Variants in CTNNA2 observed in about 807,000 individuals in gnomAD.
The protein encoded by CTNNA2 is catenin alpha 2, also known as catenin alpha-2.
In CTNNA2, 42 loss-of-function variants were observed where a neutral mutation model predicts 101.0. The observed-to-expected ratio is 0.42, with a 90% CI of 0.32 to 0.54. CTNNA2 has a LOEUF of 0.54. Ranked by LOEUF, CTNNA2 falls within the 20% of genes least tolerant of loss-of-function variation. CTNNA2 has a pLI of 0.14. For missense variants in CTNNA2, 871 were observed against 1,223.1 expected (o/e 0.71, Z 4.29); for synonymous variants, 450 against 456.4 (o/e 0.99, Z 0.18).
At chr2:79,903,308 T>G (rs1685199871) in intron 6 of CTNNA2, among the ~76,000 whole-genome samples, 1 of 152,038 alleles carries the variant, frequency 6.6e-6, no homozygotes, top group Admixed American at 6.6e-5. Context: ...CACCTCTCTT[T>G]TGGGCTCTGA....
intron 9 of CTNNA2, among the ~76,000 whole-genome samples, chr2:80,522,140 C>A (rs921039051): frequency 6.6e-6 from 1 of 152,170 alleles, no homozygotes; most frequent in Admixed American, 6.5e-5. Context: ...TGGTTCTGAA[C>A]AAAGGTCATG....
upstream of CTNNA2, among the ~76,000 whole-genome samples, chr2:79,510,196 A>T (rs897697890): frequency 2.0e-5 from 3 of 152,168 alleles, no homozygotes; most frequent in Non-Finnish European, 2.9e-5. Context: ...TTTGATATTT[A>T]TGTTGGCATA....
At chr2:79,509,824 A>G (rs1244525676), upstream of CTNNA2, among the ~76,000 whole-genome samples, 1 of 152,202 alleles carries the variant, frequency 6.6e-6, no homozygotes, top group Non-Finnish European at 1.5e-5. Flanking sequence ...GGGGTTGATC[A>G]CAGGGAGTCG....
intron 3 of CTNNA2, among the ~76,000 whole-genome samples, chr2:79,757,335 T>G (rs899096512): frequency 3.3e-5 from 5 of 152,150 alleles, no homozygotes; most frequent in African/African-American, 1.2e-4. Context: ...ACAGTGTGAG[T>G]GCCGAACTAT....
At chr2:80,599,544 C>T (rs1448550644) in intron 15 of CTNNA2, among the ~76,000 whole-genome samples, 1 of 152,090 alleles carries the variant, frequency 6.6e-6, no homozygotes, top group Non-Finnish European at 1.5e-5. Context: ...CCAGAAATGG[C>T]ACAACTATTT....
intron 7 of CTNNA2, among the ~76,000 whole-genome samples, chr2:80,344,607 C>T (rs554113489): frequency 8.5e-5 from 13 of 152,314 alleles, no homozygotes; most frequent in Non-Finnish European, 1.5e-4. Flanking sequence ...GCCCCAGCAT[C>T]CCAAGTAGCT....
intron 15 of CTNNA2, among the ~76,000 whole-genome samples, chr2:80,594,314 T>G (rs1696761685): frequency 6.6e-6 from 1 of 152,116 alleles, no homozygotes; most frequent in African/African-American, 2.4e-5. Context: ...ATCCAAGTCT[T>G]TTGCCCATTT....
At chr2:80,270,925 G>A (rs1432020831) in intron 7 of CTNNA2, among the ~76,000 whole-genome samples, 1 of 152,136 alleles carries the variant, frequency 6.6e-6, no homozygotes, top group Non-Finnish European at 1.5e-5. Context: ...GAGAGTAAGT[G>A]TGAATGGGTA....
chr2:80,095,433 A>G (rs1700083151), intron 7 of CTNNA2, among the ~76,000 whole-genome samples: 1 of 152,016 alleles, frequency 6.6e-6, no homozygotes, highest in Non-Finnish European at 1.5e-5. Flanking sequence ...TTTTGCGTCA[A>G]TGTTCATCAA....
intron 9 of CTNNA2, among the ~76,000 whole-genome samples, chr2:80,485,409 A>C (rs1051820758): frequency 6.6e-6 from 1 of 152,184 alleles, no homozygotes; most frequent in Non-Finnish European, 1.5e-5. Context: ...TTGCATTCCT[A>C]ACAATTTGGG....
chr2:80,582,117 T>C (rs1385224392), intron 14 of CTNNA2, among the ~76,000 whole-genome samples: 1 of 152,122 alleles, frequency 6.6e-6, no homozygotes, highest in African/African-American at 2.4e-5. Context: ...AATTAGATGA[T>C]AGACTGATAG....
intron 3 of CTNNA2, among the ~76,000 whole-genome samples, chr2:79,755,689 C>T (rs979231414): frequency 6.6e-6 from 1 of 152,074 alleles, no homozygotes; most frequent in Non-Finnish European, 1.5e-5. Context: ...AGATAGCACC[C>T]CAAGTAAATC....
At chr2:79,562,154 C>T (rs1018652404) in intron 1 of CTNNA2, among the ~76,000 whole-genome samples, 1 of 151,954 alleles carries the variant, frequency 6.6e-6, no homozygotes, top group African/African-American at 2.4e-5. Context: ...AGGCATCCAA[C>T]TACATTCTTT....
At chr2:79,563,161 G>GTATATATATATATATATATATATATA (rs71385287) in intron 1 of CTNNA2, among the ~76,000 whole-genome samples, 2 of 78,620 alleles carry the variant, frequency 2.5e-5, no homozygotes, top group African/African-American at 9.5e-5. Flanking sequence ...ATAAAGATGT[G>GTATATATATATATATATATATATATA]TATATATATA....
At chr2:80,368,720 TCTAA>T (rs1573863143) in intron 7 of CTNNA2, among the ~76,000 whole-genome samples, 1 of 151,632 alleles carries the variant, frequency 6.6e-6, no homozygotes, top group Non-Finnish European at 1.5e-5. Flanking sequence ...TCTAAATATC[TCTAA>T]CTGTTTTTAG....
At chr2:80,360,799 A>T (rs1674328734) in intron 7 of CTNNA2, among the ~76,000 whole-genome samples, 1 of 152,112 alleles carries the variant, frequency 6.6e-6, no homozygotes, top group Admixed American at 6.6e-5. Context: ...TTGCTTTCTG[A>T]TAAGATTTCT....
intron 7 of CTNNA2, among the ~76,000 whole-genome samples, chr2:80,230,569 A>G (rs1266424375): frequency 1.3e-5 from 2 of 152,110 alleles, no homozygotes; most frequent in Non-Finnish European, 2.9e-5. Context: ...CCCATTTGAA[A>G]AAGCAGACGG....
intron 4 of CTNNA2, among the ~76,000 whole-genome samples, chr2:79,502,905 T>A (rs535320505): frequency 7.2e-5 from 11 of 152,282 alleles, no homozygotes; most frequent in Admixed American, 4.6e-4. Context: ...GCTTGATCAA[T>A]GGGCTCATGT....
intron 7 of CTNNA2, among the ~76,000 whole-genome samples, chr2:80,042,719 G>A (rs1696148858): frequency 6.6e-6 from 1 of 152,166 alleles, no homozygotes; most frequent in African/African-American, 2.4e-5. Flanking sequence ...CAGAGCAAAG[G>A]AAACTCATTT....
Sources: allele counts gnomAD v4.1 joint callset (sites outside exome capture counted in the v4.1 genomes callset), GRCh38; gene constraint gnomAD v4.1.1; transcripts MANE v1.5; gene names NCBI Gene and HGNC (gene_info 2026-07-23, HGNC 2026-07-21).